SMC3: variants seen among roughly 807,000 people sequenced by gnomAD.
The protein encoded by SMC3 is structural maintenance of chromosomes protein 3.
A neutral mutation model predicts 171.8 loss-of-function variants in SMC3; 20 were observed. That is an observed-to-expected ratio of 0.12 (90% confidence interval 0.08 to 0.17). SMC3 has a LOEUF of 0.17. Among genes scored for constraint, SMC3 ranks in the 10% least tolerant of loss-of-function variants. The probability of loss-of-function intolerance (pLI) is 1.00; values close to 1 mark genes in which losing one functional copy is unlikely to be tolerated. For synonymous variants in SMC3, 464 were observed against 451.1 expected, an observed-to-expected ratio of 1.03 and a Z score of -0.36; for missense variants, 543 against 1,420.4, an observed-to-expected ratio of 0.38 and a Z score of 9.93.
At chr10:110,594,064 A>G (rs1861253858) in intron 18 of SMC3, among the ~76,000 whole-genome samples, 1 of 149,994 alleles carries the variant, frequency 6.7e-6, no homozygotes. Context: ...GAGTCCAGAC[A>G]GGGTTCGTAC....
chr10:110,600,557 G>GTTTT lies in SMC3; in HGVS notation c.2535+25_2535+28dup. ...GACCAAGTAGAACAGGTGTGTATGT[G>GTTTT]TTTTTTTTTTTTTTTTTAAGGGCTC... On this transcript the variant is annotated intron_variant, in intron 22 of 28. Coordinates refer to ENST00000361804, the MANE Select transcript of SMC3 (RefSeq NM_005445.4). 46 of 976,820 alleles carry GTTTT rather than the reference G, an allele frequency of 4.7e-5. No homozygotes were observed. Among genetic ancestry groups the GTTTT allele is most frequent in the South Asian group, 8.2e-5 (6 of 73,178 alleles). The allele number at this position is 976,820 out of a possible 1,614,324, so 60.5% of individuals were successfully genotyped here. A position where few individuals can be genotyped will look rare whatever the true frequency, so the allele number is the denominator to read the frequency against.
In SMC3 at chr10:110,567,703, G is replaced by C. The variant is rs902858143; in HGVS notation, c.-114G>C. ...ACGAGCGCCGCCATTTTGTTTGGCTGAGGGGAGCGAGCGGCGCTTTGGGGG... is the reference window on the plus strand; with the variant it reads ...ACGAGCGCCGCCATTTTGTTTGGCTCAGGGGAGCGAGCGGCGCTTTGGGGG... On this transcript the variant is annotated 5_prime_UTR_variant, in exon 1 of 29. Coordinates refer to ENST00000361804, the MANE Select transcript of SMC3 (RefSeq NM_005445.4). 2 of 1,317,396 alleles carry C rather than the reference G, an allele frequency of 1.5e-6. No individual in the cohort carries two copies. The highest frequency in any genetic ancestry group is 1.4e-5 in the African/African-American group (1 of 68,992). The allele number at this position is 1,317,396 out of a possible 1,614,324, so 81.6% of individuals were successfully genotyped here.
In SMC3 at chr10:110,585,639, T is replaced by TA. The variant is rs559030505; in HGVS notation, c.1305+1244dup. Among the ~76,000 whole-genome samples the TA allele has an allele frequency of 2.2e-4, 33 of 151,988 alleles. No individual in the cohort carries two copies. The South Asian group carries it at 6.4e-3, about 30-fold the overall frequency. On this transcript the variant is annotated intron_variant, in intron 13 of 28. Coordinates refer to ENST00000361804, the MANE Select transcript of SMC3 (RefSeq NM_005445.4). ...TTTTTGGTATTCCAGCATCTTATGT[T>TA]ACATTTAGTTGTCATGTTTCTTTTA...
intron 7 of SMC3, among the ~76,000 whole-genome samples, chr10:110,579,713 G>A (rs192150816): frequency 4.2e-4 from 64 of 152,206 alleles, no homozygotes; most frequent in Admixed American, 5.9e-4. Context: ...ATATGTTGTA[G>A]CCATTTGAAA....
rs538586886 is a variant in SMC3, at chr10:110,576,198, A to G, written c.198+795A>G. On this transcript the variant is annotated intron_variant, in intron 4 of 28. Coordinates refer to ENST00000361804, the MANE Select transcript of SMC3 (RefSeq NM_005445.4). ...TCTGTCATATAATTTATTGAATACT[A>G]TGCTGAAAGTAAAAAACAGTGATTT... 2.6e-5 allele frequency among the ~76,000 whole-genome samples: 4 copies of G among 152,224 alleles called. No homozygotes were observed. In the South Asian group the frequency reaches 8.3e-4, roughly 31 times the overall value.
rs1861438788 is a variant in SMC3 at position 110,604,483 on chromosome 10, G to GT, written c.*184dup. 1.9e-6 allele frequency: 1 copy of GT among 523,038 alleles called. No individual in the cohort carries two copies. The highest frequency in any genetic ancestry group is 2.5e-5 in the South Asian group (1 of 39,660). 32.4% of individuals were successfully genotyped at this position (523,038 alleles called of 1,614,324 possible). On this transcript the variant is annotated 3_prime_UTR_variant, in exon 29 of 29. Transcript: ENST00000361804. The stretch of plus-strand genomic sequence containing the variant: ...CTGTAATGTCATGTTTGTACTGATA[G>GT]TTTAAGAATTTAATTTCCTGTACAA...
rs1485163786 is a variant in SMC3, at chr10:110,598,033, T to C, written c.2117-106T>C. On this transcript the variant is annotated intron_variant, in intron 19 of 28. Coordinates refer to ENST00000361804, the MANE Select transcript of SMC3 (RefSeq NM_005445.4). ...CATAAATTTGAGGACATAAATGTTA[T>C]TTGGGGGTAAAGAAAAGGAAGGGAT... is the stretch of plus-strand genomic sequence containing the variant. 11 of 1,019,144 alleles carry C rather than the reference T, an allele frequency of 1.1e-5. No homozygotes were observed. In the Admixed American group the frequency reaches 2.2e-4, roughly 20 times the overall value. The allele number at this position is 1,019,144 out of a possible 1,614,324, so 63.1% of individuals were successfully genotyped here.
At chr10:110,590,721 AT>A in intron 16 of SMC3, 149 bp downstream of exon 16, 1 of 743,898 alleles carries the variant, frequency 1.3e-6, no homozygotes, top group Non-Finnish European at 2.2e-6. Context: ...GATGCTAAGT[AT>A]TTGTTCCTAA....
intron 13 of SMC3, among the ~76,000 whole-genome samples, chr10:110,585,642 A>G (rs1229982904): frequency 6.6e-6 from 1 of 150,974 alleles, no homozygotes; most frequent in African/African-American, 2.4e-5. Flanking sequence ...CTTATGTTAC[A>G]TTTAGTTGTC....
Position 110,605,705 on chromosome 10 carries a change from A to G in SMC3, c.*1403A>G, listed in dbSNP as rs1433010414. The stretch of plus-strand genomic sequence containing the variant: ...AGAGAATTTGGTATATGTTCTATCT[A>G]TGACTACATTCAAAGGGTTACGTAA... On this transcript the variant is annotated 3_prime_UTR_variant, in exon 29 of 29. Transcript: ENST00000361804. 6.6e-6 allele frequency among the ~76,000 whole-genome samples: 1 copy of G among 152,226 alleles called. No individual in the cohort carries two copies. The highest frequency in any genetic ancestry group is 2.4e-5 in the African/African-American group (1 of 41,464).
rs770359222 is a variant in SMC3, at chr10:110,583,949, C to A, written c.1078C>A (p.Arg360=). 1.2e-6 allele frequency: 2 copies of A among 1,607,648 alleles called. No homozygotes were observed. The highest frequency in any genetic ancestry group is 3.3e-5 in the Admixed American group (2 of 59,722). The change falls in exon 12 of 29, where the codon CGA becomes AGA. Residue 360 remains arginine, a synonymous_variant. Transcript: ENST00000361804. The stretch of plus-strand genomic sequence containing the variant: ...CAACAGTGTGAAAGAGAAAGAAGAA[C>A]GAGGAATTGCTAGGTCTGAGAACTT... ...KFNSVKEKEE[R]GIARLAQATQ...
intron 18 of SMC3, among the ~76,000 whole-genome samples, chr10:110,595,081 C>G (rs1266084150): frequency 6.6e-6 from 1 of 151,668 alleles, no homozygotes; most frequent in Non-Finnish European, 1.5e-5. Flanking sequence ...CTCGCAGGTT[C>G]AAGCGATTCT....
intron 12 of SMC3, 50 bp from the exon 13 acceptor site, chr10:110,584,133 A>C: frequency 6.4e-7 from 1 of 1,568,290 alleles, no homozygotes; most frequent in Non-Finnish European, 8.8e-7. Context: ...GTTGCAATTA[A>C]ACTTGGTTAT....
In SMC3 at chr10:110,581,981, T is replaced by G. The variant is rs1861038030; in HGVS notation, c.606T>G (p.Thr202=). 1 of 1,613,524 alleles carries G rather than the reference T, an allele frequency of 6.2e-7. No homozygotes were observed. Among genetic ancestry groups the G allele is most frequent in the Non-Finnish European group, 8.5e-7 (1 of 1,179,644 alleles). Residue 202 remains threonine, a synonymous_variant, in exon 9 of 29, where the codon ACT becomes ACG. Transcript: ENST00000361804. ...LLKYIEERLH[T]LEEEKEELAQ... ...AATACATTGAAGAGAGATTACATAC[T>G]CTAGAGGAAGAAAAGGAAGAACTAG...
At position 110,573,749 on chromosome 10, in the gene SMC3, G is replaced by C. The variant is rs766749434; in HGVS notation, c.130+4G>C. On this transcript the variant is annotated splice_donor_region_variant and intron_variant, in intron 3 of 28. Coordinates refer to ENST00000361804, the MANE Select transcript of SMC3 (RefSeq NM_005445.4). ...GGAAAAAGTAACTTTTTTTATGGTA[G>C]GTGTTGCTTTTTGAATTGTAAATAT... 1.9e-6 allele frequency: 3 copies of C among 1,588,636 alleles called. No individual in the cohort carries two copies. Among genetic ancestry groups the C allele is most frequent in the Non-Finnish European group, 2.6e-6 (3 of 1,157,620 alleles).
At chr10:110,583,766 C>T in intron 11 of SMC3, 75 bp from the exon 12 acceptor site, 1 of 1,525,816 alleles carries the variant, frequency 6.6e-7, no homozygotes, top group Non-Finnish European at 8.9e-7. Context: ...AAGTTTTTTT[C>T]CTGAGAAAAC....
chr10:110,567,922 C>A, intron 1 of SMC3, 91 bp downstream of exon 1: 1 of 1,453,128 alleles, frequency 6.9e-7, no homozygotes. Context: ...CAGCCTCTCC[C>A]CTGTCTCCAC....
At chr10:110,593,422 A>G (rs961338382) in intron 18 of SMC3, among the ~76,000 whole-genome samples, 199 bp downstream of exon 18, 5 of 152,088 alleles carry the variant, frequency 3.3e-5, no homozygotes, top group Admixed American at 3.3e-4. Flanking sequence ...AAATACAAAG[A>G]TTAGCTGGGT....
intron 2 of SMC3, among the ~76,000 whole-genome samples, chr10:110,571,787 TTCATTTTTAAATAAAAATGG>T (rs1406317097): frequency 1.5e-4 from 2 of 13,602 alleles, no homozygotes; most frequent in Admixed American, 7.1e-4. Context: ...TAAAAATGGG[TTCATTTTTAAATAAAAATGG>T]GTTCATTTTT....
Sources: gnomAD v4.1 joint callset for allele counts (sites outside exome capture counted in the v4.1 genomes callset) on GRCh38, gnomAD v4.1.1 for gene constraint, MANE v1.5 for transcripts, NCBI Gene and HGNC (gene_info 2026-07-23, HGNC 2026-07-21) for gene names.